The following SLC66A3 variants were observed in gnomAD, a reference collection of about 807,000 sequenced individuals.
SLC66A3 encodes PQ loop repeat containing 3.
A neutral mutation model predicts 25.5 loss-of-function variants in SLC66A3; 23 were observed. The ratio of observed to expected loss-of-function variants is 0.90; its 90% CI spans 0.65 to 1.28. The LOEUF (loss-of-function observed/expected upper bound fraction) is 1.28. SLC66A3 is among the 50% of genes most tolerant of loss of function. The pLI is 0.00. For missense variants in SLC66A3, 246 were observed against 262.1 expected, an observed-to-expected ratio of 0.94 and a Z score of 0.42; for synonymous variants, 108 against 112.6, an observed-to-expected ratio of 0.96 and a Z score of 0.26.
intron 4 of SLC66A3, among the ~76,000 whole-genome samples, chr2:11,168,815 T>C (rs1662445195): frequency 6.6e-6 from 1 of 151,684 alleles, no homozygotes; most frequent in Admixed American, 6.6e-5. Flanking sequence ...CTTGGTCAAC[T>C]CCTCTGCCCA....
In SLC66A3 at chr2:11,164,202, A is replaced by G; in HGVS notation, c.297-2A>G. 6.3e-7 allele frequency: 1 copy of G among 1,578,990 alleles called. No homozygotes were observed. The highest frequency in any genetic ancestry group is 8.6e-7 in the Non-Finnish European group (1 of 1,162,026). On this transcript the variant is annotated splice_acceptor_variant, in intron 3 of 6. Transcript: ENST00000295083. LOFTEE classifies it high-confidence loss of function. Reference sequence around the variant, plus strand: ...CTGCTGTGTCCCTTAGCACTTGGTAAGATTGGTGTCTTCTTGGTTCATCCT... The same window carrying G: ...CTGCTGTGTCCCTTAGCACTTGGTAGGATTGGTGTCTTCTTGGTTCATCCT...
chr2:11,160,801 TAAAAAAAA>T, intron 3 of SLC66A3, 107 bp downstream of exon 3: 6 of 1,225,266 alleles, frequency 4.9e-6, no homozygotes, highest in Non-Finnish European at 6.5e-6. Flanking sequence ...TTGGTTAAAC[TAAAAAAAA>T]AAAAAAAAAA....
In SLC66A3 at chr2:11,171,154, C is replaced by T. The variant is rs180869879; in HGVS notation, c.355-771C>T. ...CCAATGTGGCGAAACCCTGTCTCTA[C>T]TAAAAATACAAACATTAGCCAGGTG... On this transcript the variant is annotated intron_variant, in intron 4 of 6. Transcript: ENST00000295083. Among the ~76,000 whole-genome samples the T allele has an allele frequency of 2.1e-3, 323 of 152,178 alleles. 2 individuals carry two copies. Among genetic ancestry groups the T allele is most frequent in the Admixed American group, 0.01 (154 of 15,298 alleles).
intron 3 of SLC66A3, among the ~76,000 whole-genome samples, chr2:11,162,357 G>A (rs1215671694): frequency 2.6e-5 from 4 of 152,150 alleles, no homozygotes; most frequent in Non-Finnish European, 5.9e-5. Flanking sequence ...TAAAGGTTTT[G>A]GTAAACAGTA....
chr2:11,165,502 A>G (rs1184714632), intron 4 of SLC66A3, among the ~76,000 whole-genome samples: 4 of 118,994 alleles, frequency 3.4e-5, no homozygotes, highest in African/African-American at 1.3e-4. Context: ...ACGATGGGCG[A>G]CCGGGCAGAG....
At chr2:11,165,968 C>A (rs568104357) in intron 4 of SLC66A3, among the ~76,000 whole-genome samples, 1 of 152,176 alleles carries the variant, frequency 6.6e-6, no homozygotes, top group Non-Finnish European at 1.5e-5. Flanking sequence ...TGGCGGCAGT[C>A]CAGTCCAGCT....
chr2:11,155,741 G>C (rs7598570), intron 1 of SLC66A3, 52 bp downstream of exon 1: 896,519 of 1,311,120 alleles, frequency 0.68, 309,621 homozygotes, highest in East Asian at 0.99. Context: ...AGCTGCTGCC[G>C]GCTGGGAGCC....
At chr2:11,164,493 C>T (rs1662244976) in intron 4 of SLC66A3, among the ~76,000 whole-genome samples, 1 of 138,064 alleles carries the variant, frequency 7.2e-6, no homozygotes, top group East Asian at 2.1e-4. Context: ...AGGCATGTGC[C>T]ACCACACCCA....
rs146183091 is a variant in SLC66A3 at position 11,160,680 on chromosome 2, T to A, written c.282T>A (p.Thr94=). The A allele has an allele frequency of 9.3e-6, 15 of 1,613,880 alleles. No homozygotes were observed. In the African/African-American group the frequency reaches 1.9e-4, roughly 20 times the overall value. ...TTAACGGGAACGTGAAGCAGGCCACTCCTTACATCGCTGTGTATCCTTTCT... is the reference window on the plus strand; with the variant it reads ...TTAACGGGAACGTGAAGCAGGCCACACCTTACATCGCTGTGTATCCTTTCT... The part of the protein sequence containing the change: ...FHFNGNVKQA[T]PYIAVLVSSW... Residue 94 remains threonine, a synonymous_variant, in exon 3 of 7, where the codon ACT becomes ACA. Coordinates refer to ENST00000295083, the MANE Select transcript of SLC66A3 (RefSeq NM_152391.5).
intron 4 of SLC66A3, among the ~76,000 whole-genome samples, chr2:11,169,587 C>T (rs1662471607): frequency 6.6e-6 from 1 of 152,056 alleles, no homozygotes. Context: ...TTTCTGTGTC[C>T]TTGCTGGTTC....
chr2:11,157,274 G>A (rs965223585), intron 1 of SLC66A3, among the ~76,000 whole-genome samples: 1 of 152,264 alleles, frequency 6.6e-6, no homozygotes, highest in Admixed American at 6.5e-5. Context: ...CAAGGGTTGG[G>A]TGGGGCAGCA....
In SLC66A3 at chr2:11,178,013, C is replaced by T. The variant is rs1662826313; in HGVS notation, c.*185C>T. 1 of 560,966 alleles carries T rather than the reference C, an allele frequency of 1.8e-6. No homozygotes were observed. Among genetic ancestry groups the T allele is most frequent in the Admixed American group, 3.2e-5 (1 of 31,026 alleles). The allele number at this position is 560,966 out of a possible 1,614,324, so 34.7% of individuals were successfully genotyped here. On this transcript the variant is annotated 3_prime_UTR_variant, in exon 7 of 7. Transcript: ENST00000295083. ...CTTGTTTAAAAATACCAATTTGCCT[C>T]CTCCTTCCTCACTTCGTTAGGTTAT...
chr2:11,176,507 C>T (rs1261763904), intron 6 of SLC66A3, among the ~76,000 whole-genome samples: 8 of 150,072 alleles, frequency 5.3e-5, no homozygotes, highest in African/African-American at 2.0e-4. Context: ...TGTGCCACCG[C>T]GCCCGGCCTG....
chr2:11,167,004 CA>C (rs1419279733), intron 4 of SLC66A3, among the ~76,000 whole-genome samples: 1 of 152,228 alleles, frequency 6.6e-6, no homozygotes, highest in African/African-American at 2.4e-5. Flanking sequence ...TGCCAACTCT[CA>C]CAACCCTGTA....
At chr2:11,160,378 C>A in intron 1 of SLC66A3, 88 bp from the exon 2 acceptor site, 1 of 1,167,408 alleles carries the variant, frequency 8.6e-7, no homozygotes, top group Non-Finnish European at 1.3e-6. Flanking sequence ...AAGGATTCGG[C>A]AAACTGACCT....
chr2:11,164,534 T>G (rs1387792176), intron 4 of SLC66A3, among the ~76,000 whole-genome samples: 1 of 151,106 alleles, frequency 6.6e-6, no homozygotes, highest in Non-Finnish European at 1.5e-5. Context: ...GATTCATTTT[T>G]GTTTTCTTTT....
chr2:11,158,950 C>A (rs1006399583), intron 1 of SLC66A3, among the ~76,000 whole-genome samples: 15 of 152,194 alleles, frequency 9.9e-5, no homozygotes, highest in Non-Finnish European at 2.1e-4. Context: ...GGGGCAGCAA[C>A]GGCTGCATCC....
intron 1 of SLC66A3, among the ~76,000 whole-genome samples, chr2:11,156,549 G>T (rs1354901059): frequency 6.6e-6 from 1 of 152,118 alleles, no homozygotes. Context: ...GGGGGGTGCG[G>T]CATACAGGAT....
intron 4 of SLC66A3, among the ~76,000 whole-genome samples, chr2:11,169,393 A>G (rs1662465043): frequency 6.6e-6 from 1 of 152,188 alleles, no homozygotes; most frequent in Non-Finnish European, 1.5e-5. Flanking sequence ...GACAGAAGGT[A>G]AACAAGCTGC....
Sources: allele counts gnomAD v4.1 joint callset (sites outside exome capture counted in the v4.1 genomes callset), GRCh38; gene constraint gnomAD v4.1.1; transcripts MANE v1.5; gene names NCBI Gene and HGNC (gene_info 2026-07-23, HGNC 2026-07-21).